HERC2: variants seen among roughly 807,000 people sequenced by gnomAD.
HERC2 encodes HECT and RLD domain containing E3 ubiquitin protein ligase 2.
In HERC2, 102 loss-of-function variants were observed where a neutral mutation model predicts 537.7. The ratio of observed to expected loss-of-function variants is 0.19; its 90% CI spans 0.16 to 0.22. HERC2 has a LOEUF of 0.22. Among genes scored for constraint, HERC2 ranks in the 10% least tolerant of loss-of-function variants. HERC2 has a pLI of 1.00. For missense variants in HERC2, 4,236 were observed against 6,198.2 expected (o/e 0.68, Z 10.63); for synonymous variants, 2,224 against 2,466.2 (o/e 0.90, Z 2.91).
intron 68 of HERC2, among the ~76,000 whole-genome samples, chr15:28,164,228 A>T (rs1444191195): frequency 6.6e-6 from 1 of 152,198 alleles, no homozygotes; most frequent in East Asian, 1.9e-4. Flanking sequence ...GGACCTCAGC[A>T]AATCCAGTGC....
intron 20 of HERC2, among the ~76,000 whole-genome samples, chr15:28,253,748 G>C (rs920648025): frequency 2.0e-5 from 3 of 152,140 alleles, no homozygotes; most frequent in Non-Finnish European, 4.4e-5. Context: ...GATCACCTGA[G>C]GTCAGGAGTT....
At chr15:28,251,057 A>G (rs2075060047) in intron 20 of HERC2, among the ~76,000 whole-genome samples, 1 of 152,196 alleles carries the variant, frequency 6.6e-6, no homozygotes, top group Non-Finnish European at 1.5e-5. Flanking sequence ...GCAAGGATGA[A>G]GACACAGGAG....
At chr15:28,115,131 A>G (rs1888076785) in intron 89 of HERC2, 1 of 512,264 alleles carries the variant, frequency 2.0e-6, no homozygotes, top group African/African-American at 1.9e-5. Context: ...GCCCCAGGAC[A>G]GAGCCTCCCG....
Position 28,143,070 on chromosome 15 carries a change from A to G in HERC2, c.11419-118T>C, listed in dbSNP as rs138283346. 1.6e-3 allele frequency: 1,414 copies of G among 893,646 alleles called. 17 individuals carry two copies. The African/African-American group carries it at 0.023, about 14-fold the overall frequency. The allele number at this position is 893,646 out of a possible 1,614,324, so 55.4% of individuals were successfully genotyped here. On this transcript the variant is annotated intron_variant, in intron 74 of 92. Coordinates refer to ENST00000261609, the MANE Select transcript of HERC2 (RefSeq NM_004667.6). ...GTACTAACTCTTCTAAAAAAACTAA[A>G]AAAAAAAAGCTTATCAAAATTCTCA... is the stretch of plus-strand genomic sequence containing the variant.
intron 72 of HERC2, 27 bp from the exon 73 acceptor site, chr15:28,144,262 C>G: frequency 1.2e-6 from 2 of 1,608,278 alleles, no homozygotes; most frequent in Non-Finnish European, 1.7e-6. Context: ...TAAACATCCC[C>G]GGGTTTCACA....
intron 35 of HERC2, among the ~76,000 whole-genome samples, chr15:28,227,869 T>C (rs1901383815): frequency 6.6e-6 from 1 of 152,078 alleles, no homozygotes; most frequent in Non-Finnish European, 1.5e-5. Flanking sequence ...AGGCCACAAA[T>C]GGTATGATTC....
At chr15:28,271,204 G>C (rs1391597532) in intron 9 of HERC2, among the ~76,000 whole-genome samples, 1 of 152,170 alleles carries the variant, frequency 6.6e-6, no homozygotes, top group Non-Finnish European at 1.5e-5. Context: ...ACCTCTGTGG[G>C]AACCCAGCAC....
At chr15:28,156,015 A>G (rs1275148892) in intron 69 of HERC2, among the ~76,000 whole-genome samples, 1 of 152,194 alleles carries the variant, frequency 6.6e-6, no homozygotes, top group African/African-American at 2.4e-5. Context: ...TTTGTTGAAT[A>G]GGGAATCCTT....
At chr15:28,194,394 C>T (rs890915454) in intron 52 of HERC2, among the ~76,000 whole-genome samples, 4 of 150,374 alleles carry the variant, frequency 2.7e-5, no homozygotes, top group Non-Finnish European at 5.9e-5. Flanking sequence ...CACGGTGAAA[C>T]CCCATCTCTA....
intron 52 of HERC2, among the ~76,000 whole-genome samples, chr15:28,193,481 G>C (rs1466470073): frequency 6.6e-6 from 1 of 152,138 alleles, no homozygotes; most frequent in Non-Finnish European, 1.5e-5. Context: ...GCAGGACAGA[G>C]GTTAGGCCTA....
intron 4 of HERC2, among the ~76,000 whole-genome samples, chr15:28,290,721 G>A (rs983007936): frequency 6.6e-6 from 1 of 152,190 alleles, no homozygotes; most frequent in Non-Finnish European, 1.5e-5. Context: ...GCGGGTAAAA[G>A]AAGAAATTAA....
At chr15:28,155,091 G>GA (rs61687434) in intron 69 of HERC2, among the ~76,000 whole-genome samples, 10,476 of 152,054 alleles carry the variant, frequency 0.069, 893 homozygotes, top group East Asian at 0.43. Flanking sequence ...CAAAGCACAT[G>GA]AACTCATCCT....
At chr15:28,213,655 G>A (rs1309947145) in intron 42 of HERC2, 87 bp downstream of exon 42, 15 of 1,594,814 alleles carry the variant, frequency 9.4e-6, no homozygotes, top group Non-Finnish European at 1.1e-5. Flanking sequence ...CCAGAATCAA[G>A]TTCTTTCAAG....
intron 69 of HERC2, among the ~76,000 whole-genome samples, chr15:28,162,104 T>G (rs1230516192): frequency 6.6e-6 from 1 of 151,972 alleles, no homozygotes; most frequent in African/African-American, 2.4e-5. Flanking sequence ...CCAAGGTGGG[T>G]AGATCACTTG....
Position 28,229,495 on chromosome 15 carries a change from T to A in HERC2, c.5085A>T (p.Gly1695=). ...TTCCCTCAGGAATAAGTCTTTGCCA[T>A]CCACAAAACATCGCATACTGCACAG... ...LPSVQYAMFC[G]WQRLIPEGID... is the part of the protein sequence containing the mutation. The change falls in exon 33 of 93, where the codon GGA becomes GGT. Residue 1695 remains glycine (G), a synonymous_variant. Coordinates refer to ENST00000261609, the MANE Select transcript of HERC2 (RefSeq NM_004667.6). 6.2e-7 allele frequency: 1 copy of A among 1,613,892 alleles called. No individual in the cohort carries two copies. The highest frequency in any genetic ancestry group is 1.1e-5 in the South Asian group (1 of 91,074).
At chr15:28,270,631 G>A (rs1273135703) in intron 10 of HERC2, 64 bp downstream of exon 10, 2 of 1,510,350 alleles carry the variant, frequency 1.3e-6, no homozygotes, top group Non-Finnish European at 1.8e-6. Flanking sequence ...ACGGGCCCAG[G>A]ATGAGAACCT....
chr15:28,283,438 A>C (rs989937663), intron 4 of HERC2, among the ~76,000 whole-genome samples: 2 of 152,222 alleles, frequency 1.3e-5, no homozygotes, highest in Non-Finnish European at 2.9e-5. Flanking sequence ...ATTAACCCAG[A>C]ATTCTTATAT....
At chr15:28,199,917 C>G (rs974250008) in intron 48 of HERC2, among the ~76,000 whole-genome samples, 7 of 152,176 alleles carry the variant, frequency 4.6e-5, no homozygotes, top group Admixed American at 6.5e-5. Flanking sequence ...TACAAATAAA[C>G]AGCATGAAAG....
At chr15:28,182,787 T>C (rs1432633830) in intron 56 of HERC2, among the ~76,000 whole-genome samples, 2 of 152,108 alleles carry the variant, frequency 1.3e-5, no homozygotes, top group African/African-American at 2.4e-5. Flanking sequence ...CACCAGGCCT[T>C]CTCTTTCATC....
Sources: gnomAD v4.1 joint callset for allele counts (sites outside exome capture counted in the v4.1 genomes callset) on GRCh38, gnomAD v4.1.1 for gene constraint, MANE v1.5 for transcripts, NCBI Gene and HGNC (gene_info 2026-07-23, HGNC 2026-07-21) for gene names.